CDH12: variants seen among roughly 807,000 people sequenced by gnomAD.
The protein encoded by CDH12 is cadherin 12.
In CDH12, 41 loss-of-function variants were observed where a neutral mutation model predicts 74.1. The ratio of observed to expected loss-of-function variants is 0.55; its 90% confidence interval spans 0.43 to 0.72. The LOEUF (loss-of-function observed/expected upper bound fraction) is 0.72, where lower values mean the gene tolerates loss of function less well. Ranked by LOEUF, CDH12 falls within the 30% of genes least tolerant of loss-of-function variation. CDH12 has a pLI of 0.00. For synonymous variants in CDH12, 399 were observed against 355.0 expected (o/e 1.12, Z -1.39); for missense variants, 945 against 977.2 (o/e 0.97, Z 0.44).
chr5:22,225,492 C>G (rs1752164773), intron 3 of CDH12, among the ~76,000 whole-genome samples: 1 of 152,032 alleles, frequency 6.6e-6, no homozygotes, highest in African/African-American at 2.4e-5. Context: ...TTGCCACAAG[C>G]TTTGAATATT....
chr5:22,782,428 A>C (rs1390028885), intron 1 of CDH12, among the ~76,000 whole-genome samples: 1 of 151,952 alleles, frequency 6.6e-6, no homozygotes, highest in African/African-American at 2.4e-5. Context: ...CAGTTTCCCC[A>C]GCGTTCTCTC....
intron 2 of CDH12, among the ~76,000 whole-genome samples, chr5:22,502,352 A>G (rs968598247): frequency 2.6e-5 from 4 of 151,986 alleles, no homozygotes; most frequent in African/African-American, 9.7e-5. Context: ...GCCTTTCACC[A>G]TGATGGTGCA....
intron 5 of CDH12, among the ~76,000 whole-genome samples, chr5:22,029,877 T>G (rs1390511130): frequency 4.6e-5 from 7 of 151,538 alleles, no homozygotes; most frequent in Admixed American, 4.6e-4. Flanking sequence ...TGTCCAACAA[T>G]GATAGACTGG....
At chr5:22,822,475 C>G (rs991397703) in intron 1 of CDH12, among the ~76,000 whole-genome samples, 5 of 151,990 alleles carry the variant, frequency 3.3e-5, no homozygotes, top group Admixed American at 6.6e-5. Context: ...ATTTTCGCAA[C>G]CTACTCATCT....
At chr5:22,501,710 A>G (rs187783330) in intron 2 of CDH12, among the ~76,000 whole-genome samples, 129 of 151,764 alleles carry the variant, frequency 8.5e-4, no homozygotes, top group Non-Finnish European at 1.5e-3. Flanking sequence ...AACAAAATTT[A>G]CCAAATGATT....
chr5:21,978,744 GC>G (rs781421777), intron 5 of CDH12, among the ~76,000 whole-genome samples: 3 of 152,146 alleles, frequency 2.0e-5, no homozygotes, highest in Non-Finnish European at 4.4e-5. Context: ...TGGTGAATGT[GC>G]GTGTGTGTAT....
chr5:21,911,698 GAGGAAT>G (rs1753866701), intron 6 of CDH12, among the ~76,000 whole-genome samples: 1 of 152,020 alleles, frequency 6.6e-6, no homozygotes, highest in South Asian at 2.1e-4. Flanking sequence ...TGTATTTCTT[GAGGAAT>G]ACATGTATGT....
chr5:22,490,538 C>A (rs929817108), intron 2 of CDH12, among the ~76,000 whole-genome samples: 1 of 150,084 alleles, frequency 6.7e-6, no homozygotes, highest in African/African-American at 2.5e-5. Flanking sequence ...GAAAAAAATT[C>A]ACAAAGACAG....
At chr5:22,359,045 C>T (rs1740684185) in intron 3 of CDH12, among the ~76,000 whole-genome samples, 1 of 152,146 alleles carries the variant, frequency 6.6e-6, no homozygotes, top group African/African-American at 2.4e-5. Context: ...AACCAGCTAA[C>T]ATCATAATGA....
intron 3 of CDH12, among the ~76,000 whole-genome samples, chr5:22,283,273 CACATATACACACAT>C (rs770639008): frequency 0.038 from 5,604 of 145,882 alleles, 404 homozygotes; most frequent in African/African-American, 0.14. Flanking sequence ...CACACACACA[CACATATACACACAT>C]ATATATATAG....
At chr5:22,094,047 T>G (rs1270129343) in intron 4 of CDH12, among the ~76,000 whole-genome samples, 2 of 152,150 alleles carry the variant, frequency 1.3e-5, no homozygotes, top group African/African-American at 4.8e-5. Context: ...AGCATATAAA[T>G]CCTCTAAAGT....
intron 3 of CDH12, among the ~76,000 whole-genome samples, chr5:22,245,620 T>A (rs1752919113): frequency 6.6e-6 from 1 of 151,854 alleles, no homozygotes; most frequent in Non-Finnish European, 1.5e-5. Flanking sequence ...AATATATATG[T>A]GATATACATA....
intron 3 of CDH12, among the ~76,000 whole-genome samples, chr5:22,252,128 TG>T: frequency 6.6e-6 from 1 of 152,146 alleles, no homozygotes; most frequent in East Asian, 1.9e-4. Flanking sequence ...TCTCAATTGC[TG>T]TATAATGTCA....
Position 22,264,458 on chromosome 5 carries a change from C to A in CDH12, c.-332-51815G>T, listed in dbSNP as rs543777867. ...TTATTTTTAGTAGAGTTAATGACAGCAAAATTATATCTTAAACAGAGATAT... is the reference window on the plus strand; with the variant it reads ...TTATTTTTAGTAGAGTTAATGACAGAAAAATTATATCTTAAACAGAGATAT... On this transcript the variant is annotated intron_variant, in intron 3 of 14. Transcript: ENST00000382254. Among the ~76,000 whole-genome samples, 5 of 152,088 alleles carry A rather than the reference C, an allele frequency of 3.3e-5. No homozygotes were observed. In the East Asian group the frequency reaches 7.7e-4, roughly 23 times the overall value.
At chr5:22,401,656 A>G (rs898722231) in intron 3 of CDH12, among the ~76,000 whole-genome samples, 2 of 152,178 alleles carry the variant, frequency 1.3e-5, no homozygotes, top group African/African-American at 4.8e-5. Context: ...TATAGAGTTG[A>G]ATACTGACCT....
chr5:22,566,836 C>T (rs907660476), intron 1 of CDH12, among the ~76,000 whole-genome samples: 5 of 152,052 alleles, frequency 3.3e-5, no homozygotes, highest in African/African-American at 4.8e-5. Context: ...TTGCTATGGT[C>T]GCTGTTTTTC....
intron 2 of CDH12, among the ~76,000 whole-genome samples, chr5:22,431,870 G>C (rs535633167): frequency 6.6e-6 from 1 of 152,298 alleles, no homozygotes; most frequent in East Asian, 1.9e-4. Flanking sequence ...TATTATGAAA[G>C]AGAGTAGAAA....
intron 4 of CDH12, among the ~76,000 whole-genome samples, chr5:22,100,016 C>T (rs564790434): frequency 1.2e-3 from 182 of 152,206 alleles, no homozygotes; most frequent in African/African-American, 4.2e-3. Context: ...CCCCTAATGC[C>T]GCTCGAAGCA....
intron 8 of CDH12, among the ~76,000 whole-genome samples, chr5:21,835,277 A>G (rs2149977447): frequency 6.6e-6 from 1 of 152,082 alleles, no homozygotes; most frequent in East Asian, 1.9e-4. Context: ...ATATACCTAT[A>G]TATATACACA....
Sources: gnomAD v4.1 joint callset for allele counts (sites outside exome capture counted in the v4.1 genomes callset) on GRCh38, gnomAD v4.1.1 for gene constraint, MANE v1.5 for transcripts, NCBI Gene and HGNC (gene_info 2026-07-23, HGNC 2026-07-21) for gene names.